The following NRG1 variants were observed in gnomAD, a reference collection of about 807,000 sequenced individuals.
NRG1 encodes the protein pro-neuregulin-1, membrane-bound isoform.
Under a neutral mutation model 63.8 loss-of-function variants are expected in NRG1, and 18 were observed. The ratio of observed to expected loss-of-function variants is 0.28; its 90% CI spans 0.19 to 0.42. The LOEUF is 0.42. Among genes scored for constraint, NRG1 ranks in the 10% least tolerant of loss-of-function variants. The pLI is 1.00. For missense variants in NRG1, 762 were observed against 814.7 expected (o/e 0.94, Z 0.79); for synonymous variants, 302 against 301.3 (o/e 1.00, Z -0.02).
chr8:32,171,128 G>T (rs1839983464), intron 1 of NRG1, among the ~76,000 whole-genome samples: 1 of 152,054 alleles, frequency 6.6e-6, no homozygotes, highest in Admixed American at 6.6e-5. Flanking sequence ...GTGTGTAAAG[G>T]TTATTCAAAT....
At chr8:32,028,195 G>C (rs374797975) in intron 1 of NRG1, among the ~76,000 whole-genome samples, 2 of 151,978 alleles carry the variant, frequency 1.3e-5, no homozygotes, top group Non-Finnish European at 2.9e-5. Flanking sequence ...AGAAAATTGC[G>C]CAAAGGACTT....
chr8:31,984,928 C>T (rs994185850), intron 1 of NRG1, among the ~76,000 whole-genome samples: 5 of 152,032 alleles, frequency 3.3e-5, no homozygotes, highest in African/African-American at 9.7e-5. Flanking sequence ...CACTGGGGGT[C>T]GTTTCTGGAA....
At chr8:32,115,735 A>G (rs1563804074) in intron 1 of NRG1, among the ~76,000 whole-genome samples, 1 of 152,186 alleles carries the variant, frequency 6.6e-6, no homozygotes, top group Non-Finnish European at 1.5e-5. Flanking sequence ...CAACATGCCT[A>G]CAAGGTGGAT....
At chr8:32,233,554 TA>T (rs1847197088) in intron 1 of NRG1, among the ~76,000 whole-genome samples, 1 of 71,642 alleles carries the variant, frequency 1.4e-5, no homozygotes, top group Non-Finnish European at 2.7e-5. Flanking sequence ...TATATATATA[TA>T]TATATATATT....
intron 1 of NRG1, among the ~76,000 whole-genome samples, chr8:31,688,350 C>T (rs921064089): frequency 1.3e-5 from 2 of 152,074 alleles, no homozygotes; most frequent in Non-Finnish European, 2.9e-5. Context: ...TTGTCCCTTC[C>T]AGGACATGCG....
At chr8:32,546,793 A>G (rs1452848585), upstream of NRG1, among the ~76,000 whole-genome samples, 3 of 152,218 alleles carry the variant, frequency 2.0e-5, no homozygotes, top group Non-Finnish European at 4.4e-5. Context: ...TTCTTATGAC[A>G]GTGCAAATTA....
chr8:32,421,757 C>T (rs1816724892), intron 1 of NRG1, among the ~76,000 whole-genome samples: 1 of 152,108 alleles, frequency 6.6e-6, no homozygotes, highest in South Asian at 2.1e-4. Context: ...ATACACAGTG[C>T]AACATCTTTA....
At chr8:32,196,115 A>G (rs886270638) in intron 1 of NRG1, among the ~76,000 whole-genome samples, 7 of 83,700 alleles carry the variant, frequency 8.4e-5, no homozygotes, top group East Asian at 2.6e-4. Flanking sequence ...AGTAAAAACA[A>G]TGAGTGTGTG....
chr8:31,951,474 G>T (rs1039322308), intron 1 of NRG1, among the ~76,000 whole-genome samples: 2 of 152,222 alleles, frequency 1.3e-5, no homozygotes, highest in African/African-American at 4.8e-5. Flanking sequence ...GGCTGAGATT[G>T]CAGTTCTCCA....
At chr8:32,053,730 A>C (rs1248719342) in intron 1 of NRG1, among the ~76,000 whole-genome samples, 1 of 152,220 alleles carries the variant, frequency 6.6e-6, no homozygotes, top group East Asian at 1.9e-4. Context: ...GGTTGAATAC[A>C]TGAGCAAAAA....
At chr8:31,969,259 G>A (rs757205841) in intron 1 of NRG1, among the ~76,000 whole-genome samples, 34 of 152,058 alleles carry the variant, frequency 2.2e-4, no homozygotes, top group Non-Finnish European at 3.7e-4. Context: ...TTTTTGTTAC[G>A]TTGCATGATA....
At chr8:32,743,014 T>A (rs1826708566) in intron 7 of NRG1, 1 of 1,234,130 alleles carries the variant, frequency 8.1e-7, no homozygotes. Context: ...ATAGTCAATA[T>A]CAAGCAGTGA....
chr8:32,741,890 A>G, intron 6 of NRG1, 118 bp from the exon 7 acceptor site: 1 of 672,330 alleles, frequency 1.5e-6, no homozygotes, highest in Admixed American at 2.6e-5. Flanking sequence ...TTTTCTTTAT[A>G]TTGCTTGGTA....
intron 1 of NRG1, among the ~76,000 whole-genome samples, chr8:32,489,753 G>A (rs1459721734): frequency 6.6e-6 from 1 of 152,186 alleles, no homozygotes; most frequent in Non-Finnish European, 1.5e-5. Context: ...TATGTCAGTG[G>A]AAAATACAGC....
intron 1 of NRG1, among the ~76,000 whole-genome samples, chr8:32,309,682 C>T (rs1219297145): frequency 6.6e-6 from 1 of 152,146 alleles, no homozygotes; most frequent in Non-Finnish European, 1.5e-5. Flanking sequence ...GGTGGACTTC[C>T]TCCCTTGTGC....
Position 32,314,169 on chromosome 8 carries a change from A to T in NRG1, c.38-281659A>T, listed in dbSNP as rs368222364. Among the ~76,000 whole-genome samples, 17 of 145,990 alleles carry T rather than the reference A, an allele frequency of 1.2e-4. No homozygotes were observed. In the East Asian group the frequency reaches 1.6e-3, roughly 14 times the overall value. On this transcript the variant is annotated intron_variant, in intron 1 of 10. Coordinates refer to the NRG1 transcript ENST00000519301. ...CTTAGTCTTTGCTTTATTCTGGGCCATGTAGACTAGCTGTTAAGTGGAAAA... is the reference window on the plus strand; with the variant it reads ...CTTAGTCTTTGCTTTATTCTGGGCCTTGTAGACTAGCTGTTAAGTGGAAAA...
intron 1 of NRG1, among the ~76,000 whole-genome samples, chr8:32,485,400 C>A (rs183721701): frequency 4.0e-5 from 6 of 149,846 alleles, no homozygotes; most frequent in African/African-American, 1.2e-4. Flanking sequence ...GCCACACACC[C>A]GGTCTGCTCT....
chr8:32,599,300 T>A (rs1396158426), intron 2 of NRG1, among the ~76,000 whole-genome samples: 1 of 152,108 alleles, frequency 6.6e-6, no homozygotes, highest in East Asian at 1.9e-4. Flanking sequence ...GTTTGAGGTG[T>A]AAGATTTTTC....
intron 6 of NRG1, among the ~76,000 whole-genome samples, chr8:32,734,672 C>T (rs1250882803): frequency 6.6e-6 from 1 of 152,168 alleles, no homozygotes; most frequent in Non-Finnish European, 1.5e-5. Context: ...ATCTAGAATC[C>T]TACTATGTGC....
Sources: allele counts gnomAD v4.1 joint callset (sites outside exome capture counted in the v4.1 genomes callset), GRCh38; gene constraint gnomAD v4.1.1; transcripts MANE v1.5; gene names NCBI Gene and HGNC (gene_info 2026-07-23, HGNC 2026-07-21).